Variants in RICTOR observed in about 807,000 individuals in gnomAD.
RICTOR encodes rapamycin-insensitive companion of mTOR.
In RICTOR, 49 loss-of-function variants were observed where a neutral mutation model predicts 214.9. The ratio of observed to expected loss-of-function variants is 0.23; its 90% CI spans 0.18 to 0.29. The LOEUF (loss-of-function observed/expected upper bound fraction) is 0.29. Ranked by LOEUF, RICTOR falls within the 10% of genes least tolerant of loss-of-function variation. The pLI, the probability that RICTOR is intolerant of heterozygous loss-of-function variation, is 1.00. For missense variants in RICTOR, 1,625 were observed against 2,047.0 expected, an observed-to-expected ratio of 0.79 and a Z score of 3.98; for synonymous variants, 717 against 711.3, an observed-to-expected ratio of 1.01 and a Z score of -0.13.
intron 7 of RICTOR, among the ~76,000 whole-genome samples, 167 bp downstream of exon 7, chr5:38,990,782 A>ATATAT: frequency 9.4e-6 from 1 of 106,942 alleles, no homozygotes; most frequent in South Asian, 3.1e-4. Context: ...GATATATATG[A>ATATAT]GATATATGAG....
chr5:38,962,892 T>G lies in RICTOR; in HGVS notation c.1550A>C (p.Asp517Ala), dbSNP rs746106580. 1 of 1,612,348 alleles carries G rather than the reference T, an allele frequency of 6.2e-7. No homozygotes were observed. Among genetic ancestry groups the G allele is most frequent in the Admixed American group, 1.7e-5 (1 of 59,988 alleles). The change falls in exon 17 of 38, where the codon GAT becomes GCT. Residue 517 changes from aspartate to alanine, a missense_variant. Around this residue, in one of 5 missense-constraint regions of RICTOR, gnomAD observed 1,214 missense variants for 1,470.5 expected, o/e 0.83. Transcript: ENST00000357387. ...KRDQYLRVQK[D>A]IFILKDTEEA... ...TGTCAGCACCTTAAGGATAAATATA[T>G]CTTTCTGAACTCGGAGATACTGATC... is the stretch of plus-strand genomic sequence containing the variant.
In RICTOR at chr5:38,955,586, G is replaced by A. The variant is rs1472680089; in HGVS notation, c.2609+9C>T. ...GAACTAGTTTTAAATCTGATAACTG[G>A]GTACGCACCTTTGGTTACTCCGACG... On this transcript the variant is annotated intron_variant, in intron 26 of 37. Transcript: ENST00000357387. 2.1e-6 allele frequency: 3 copies of A among 1,414,216 alleles called. No homozygotes were observed. The highest frequency in any genetic ancestry group is 4.6e-5 in the East Asian group (2 of 43,810). The allele number at this position is 1,414,216 out of a possible 1,614,324, so 87.6% of individuals were successfully genotyped here.
intron 2 of RICTOR, among the ~76,000 whole-genome samples, chr5:39,067,018 A>C (rs1174066323): frequency 6.6e-6 from 1 of 152,138 alleles, no homozygotes; most frequent in East Asian, 1.9e-4. Context: ...CCTGTTACCC[A>C]GTTTCAAAGC....
In RICTOR at chr5:38,945,590, G is replaced by C; in HGVS notation, c.4534C>G (p.Leu1512Val). 1 of 1,613,940 alleles carries C rather than the reference G, an allele frequency of 6.2e-7. No individual in the cohort carries two copies. The highest frequency in any genetic ancestry group is 8.5e-7 in the Non-Finnish European group (1 of 1,179,840). The change falls in exon 34 of 38, where the codon CTA becomes GTA. Residue 1512 changes from leucine (L) to valine (V), a missense_variant. This residue lies in a region of RICTOR where 1,214 missense variants were observed against 1,470.5 expected (regional missense o/e 0.83). Transcript: ENST00000357387. Reference sequence around the variant, plus strand: ...CAGTTATCATCTGTATGTTCCTGTAGTCCAGTGTCTTCTGTACTTTCTAAA... The same window carrying C: ...CAGTTATCATCTGTATGTTCCTGTACTCCAGTGTCTTCTGTACTTTCTAAA... ...LFLESTEDTG[L>V]QEHTDDNCLY... is the part of the protein sequence containing the mutation.
intron 2 of RICTOR, among the ~76,000 whole-genome samples, chr5:39,034,209 T>C (rs1356537546): frequency 2.0e-5 from 3 of 152,266 alleles, no homozygotes; most frequent in African/African-American, 4.8e-5. Context: ...CATATTATTA[T>C]ATACTGTAAC....
chr5:38,956,668 C>T (rs1344923652), intron 25 of RICTOR, among the ~76,000 whole-genome samples: 2 of 152,062 alleles, frequency 1.3e-5, no homozygotes, highest in African/African-American at 4.8e-5. Context: ...TTCCCTTATA[C>T]CTTGCATGTA....
chr5:39,009,819 A>G (rs773543290), intron 3 of RICTOR, among the ~76,000 whole-genome samples: 14 of 152,220 alleles, frequency 9.2e-5, no homozygotes, highest in Non-Finnish European at 8.8e-5. Flanking sequence ...TCAAAGAAAT[A>G]TTATACTTTC....
At chr5:38,972,713 C>G (rs755057918) in intron 10 of RICTOR, among the ~76,000 whole-genome samples, 9 of 151,858 alleles carry the variant, frequency 5.9e-5, no homozygotes, top group Non-Finnish European at 1.3e-4. Context: ...CTCATGGACA[C>G]AAACATACAT....
intron 3 of RICTOR, among the ~76,000 whole-genome samples, chr5:39,009,232 TATAG>T (rs1164459662): frequency 6.6e-6 from 1 of 152,156 alleles, no homozygotes; most frequent in Admixed American, 6.5e-5. Context: ...TGTAGAAAAC[TATAG>T]ATTCAGAGAA....
intron 7 of RICTOR, among the ~76,000 whole-genome samples, chr5:38,984,263 T>C (rs1467649028): frequency 6.6e-6 from 1 of 152,182 alleles, no homozygotes; most frequent in Non-Finnish European, 1.5e-5. Flanking sequence ...ATCTTTTGTA[T>C]TTCAAATCTT....
intron 2 of RICTOR, among the ~76,000 whole-genome samples, chr5:39,047,834 T>C (rs1205282705): frequency 6.6e-6 from 1 of 152,170 alleles, no homozygotes; most frequent in Non-Finnish European, 1.5e-5. Flanking sequence ...ACTACCAAAG[T>C]GAAAATGTTG....
Position 38,950,386 on chromosome 5 carries a change from C to T in RICTOR, c.3462G>A (p.Gln1154=). 6.2e-7 allele frequency: 1 copy of T among 1,613,304 alleles called. No individual in the cohort carries two copies. The highest frequency in any genetic ancestry group is 8.5e-7 in the Non-Finnish European group (1 of 1,179,482). ...SDDFTPISTV[Q]KTLQLETSFM... ...ATGAAGTCTCTAATTGTAATGTTTT[C>T]TGTACAGTGGATATGGGTGTAAAAT... The change falls in exon 31 of 38, where the codon CAG becomes CAA. Residue 1154 remains glutamine (Q), a synonymous_variant. Transcript: ENST00000357387.
At chr5:39,042,883 G>A (rs1757262894) in intron 2 of RICTOR, among the ~76,000 whole-genome samples, 1 of 151,894 alleles carries the variant, frequency 6.6e-6, no homozygotes, top group South Asian at 2.1e-4. Flanking sequence ...TTATCAAAAA[G>A]ACAAAAAAAT....
intron 2 of RICTOR, among the ~76,000 whole-genome samples, chr5:39,033,032 A>G (rs568374658): frequency 6.6e-6 from 1 of 152,306 alleles, no homozygotes; most frequent in African/African-American, 2.4e-5. Flanking sequence ...CTGATTTGTC[A>G]GGGTTCCAAT....
intron 5 of RICTOR, among the ~76,000 whole-genome samples, chr5:38,999,776 C>T (rs973754237): frequency 3.3e-5 from 5 of 151,870 alleles, no homozygotes; most frequent in African/African-American, 1.2e-4. Context: ...ATAAATCATG[C>T]ACATAATAAA....
chr5:39,030,928 A>G (rs1314964133), intron 2 of RICTOR, among the ~76,000 whole-genome samples: 1 of 152,136 alleles, frequency 6.6e-6, no homozygotes, highest in Non-Finnish European at 1.5e-5. Flanking sequence ...AAGAGGACAG[A>G]GAAGAAGGAA....
At chr5:39,047,043 T>C (rs1223150526) in intron 2 of RICTOR, among the ~76,000 whole-genome samples, 1 of 152,206 alleles carries the variant, frequency 6.6e-6, no homozygotes, top group African/African-American at 2.4e-5. Flanking sequence ...GCATGTCCTG[T>C]AATCAAATTA....
intron 36 of RICTOR, chr5:38,944,203 CT>C (rs1747919961): frequency 5.2e-6 from 3 of 577,174 alleles, no homozygotes; most frequent in African/African-American, 1.8e-5. Context: ...TTTTGCAGAT[CT>C]CTTCAAAAGT....
intron 32 of RICTOR, 28 bp from the exon 33 acceptor site, chr5:38,946,580 T>A: frequency 7.2e-7 from 1 of 1,385,578 alleles, no homozygotes; most frequent in South Asian, 1.2e-5. Context: ...CCATGGTAAG[T>A]CCTGCTATAA....
Sources: allele counts gnomAD v4.1 joint callset (sites outside exome capture counted in the v4.1 genomes callset), GRCh38; gene constraint gnomAD v4.1.1; regional missense constraint gnomAD v4.1.1; transcripts MANE v1.5; gene names NCBI Gene and HGNC (gene_info 2026-07-23, HGNC 2026-07-21).